Variants in CBFA2T3 observed in about 807,000 individuals in gnomAD.
CBFA2T3 encodes the protein CBFA2/RUNX1 partner transcriptional co-repressor 3.
A neutral mutation model predicts 58.6 loss-of-function variants in CBFA2T3; 31 were observed. That is an observed-to-expected ratio of 0.53 (90% CI 0.40 to 0.71). The LOEUF is 0.71. Ranked by LOEUF, CBFA2T3 falls within the 30% of genes least tolerant of loss-of-function variation. The probability of loss-of-function intolerance (pLI) is 0.00; values close to 1 mark genes in which losing one functional copy is unlikely to be tolerated. For missense variants in CBFA2T3, 1,076 were observed against 963.1 expected (o/e 1.12, Z -1.55); for synonymous variants, 531 against 421.9 (o/e 1.26, Z -3.17).
intron 1 of CBFA2T3, among the ~76,000 whole-genome samples, chr16:88,931,783 G>A (rs921037415): frequency 4.6e-5 from 7 of 152,136 alleles, no homozygotes; most frequent in Non-Finnish European, 4.4e-5. Context: ...TTGGTTGGAT[G>A]CAGGTGCTGT....
rs925801998 is a variant in CBFA2T3, at chr16:88,881,424, G to A, written c.1269C>T (p.Cys423=). ...TGAGCTCCTCGCGGTCGGCCTCCTG[G>A]CACCTGCGCAGCACCGTGAGCGAGC... is the stretch of plus-strand genomic sequence containing the variant. The part of the protein sequence containing the change: ...TRRSLTVLRR[C]QEADREELNH... Residue 423 remains cysteine (C), a synonymous_variant, in exon 9 of 12, where the codon TGC becomes TGT. Coordinates refer to ENST00000268679, the MANE Select transcript of CBFA2T3 (RefSeq NM_005187.6). 8 of 1,609,276 alleles carry A rather than the reference G, an allele frequency of 5.0e-6. No individual in the cohort carries two copies. The African/African-American group carries it at 1.1e-4, about 21-fold the overall frequency.
intron 1 of CBFA2T3, among the ~76,000 whole-genome samples, chr16:88,961,347 A>T (rs1265816763): frequency 2.0e-5 from 3 of 152,158 alleles, no homozygotes; most frequent in Non-Finnish European, 4.4e-5. Flanking sequence ...CCACATAGTG[A>T]CTGACCCTCA....
intron 1 of CBFA2T3, among the ~76,000 whole-genome samples, chr16:88,970,484 G>GTC: frequency 6.6e-6 from 1 of 152,198 alleles, no homozygotes; most frequent in South Asian, 2.1e-4. Flanking sequence ...CCCCAGCCCC[G>GTC]CTGTGTGAGC....
intron 5 of CBFA2T3, among the ~76,000 whole-genome samples, chr16:88,889,250 T>G (rs566090878): frequency 2.4e-4 from 35 of 147,888 alleles, no homozygotes; most frequent in Admixed American, 4.7e-4. Context: ...TCTGGGAGCA[T>G]GAGCACAGCA....
At chr16:88,941,118 G>A in intron 1 of CBFA2T3, 1 of 983,900 alleles carries the variant, frequency 1.0e-6, no homozygotes. Flanking sequence ...CCGCCTCCAC[G>A]ACTCAGGGGC....
At chr16:88,959,242 GA>G (rs2142859062) in intron 1 of CBFA2T3, among the ~76,000 whole-genome samples, 2 of 152,360 alleles carry the variant, frequency 1.3e-5, no homozygotes, top group South Asian at 4.1e-4. Flanking sequence ...ACGCTACATG[GA>G]CAGTCACATG....
chr16:88,898,919 C>T (rs1006019219), intron 2 of CBFA2T3, among the ~76,000 whole-genome samples: 22 of 152,212 alleles, frequency 1.4e-4, no homozygotes, highest in African/African-American at 5.1e-4. Context: ...GCGCAGGCCA[C>T]AGGAAGACAG....
At chr16:88,946,285 C>T (rs1971899520) in intron 1 of CBFA2T3, among the ~76,000 whole-genome samples, 1 of 151,680 alleles carries the variant, frequency 6.6e-6, no homozygotes, top group African/African-American at 2.4e-5. Context: ...TGCACTCCAC[C>T]CTGGGCAACA....
In CBFA2T3 at chr16:88,874,860, C is replaced by T. The variant is rs1337676899; in HGVS notation, c.*2116G>A. On this transcript the variant is annotated 3_prime_UTR_variant, in exon 12 of 12. Transcript: ENST00000268679. ...GTTTCCTACACTTCGCAAACTCCTG[C>T]GGTTTCTGTTTTTTATTTGGCAAAC... The T allele has an allele frequency of 3.1e-5, 7 of 228,424 alleles. No homozygotes were observed. The highest frequency in any genetic ancestry group is 1.8e-4 in the South Asian group (1 of 5,500). 14.1% of individuals were successfully genotyped at this position (228,424 alleles called of 1,614,324 possible).
At position 88,892,625 on chromosome 16, in the gene CBFA2T3, C is replaced by G. The variant is rs539497299; in HGVS notation, c.380-140G>C. 7 of 1,030,134 alleles carry G rather than the reference C, an allele frequency of 6.8e-6. No homozygotes were observed. In the Middle Eastern group the frequency reaches 7.1e-4, roughly 105 times the overall value. The allele number at this position is 1,030,134 out of a possible 1,614,324, so 63.8% of individuals were successfully genotyped here. On this transcript the variant is annotated intron_variant, in intron 3 of 11. Coordinates refer to ENST00000268679, the MANE Select transcript of CBFA2T3 (RefSeq NM_005187.6). Reference sequence around the variant, plus strand: ...CAATGATGAGACACAAGGACAGTAGCGCTGAGGATGACAGCAGGAGCCCTG... The same window carrying G: ...CAATGATGAGACACAAGGACAGTAGGGCTGAGGATGACAGCAGGAGCCCTG...
chr16:88,959,644 T>C (rs74033220), intron 1 of CBFA2T3, among the ~76,000 whole-genome samples: 2,437 of 152,228 alleles, frequency 0.016, 76 homozygotes, highest in African/African-American at 0.057. Context: ...GAAACCCTCC[T>C]TTTCCTCCTC....
chr16:88,967,094 G>T (rs572165792), intron 1 of CBFA2T3, among the ~76,000 whole-genome samples: 1 of 149,900 alleles, frequency 6.7e-6, no homozygotes. Flanking sequence ...CAGTGCGCTG[G>T]TGTGTGCCAC....
rs1251469723 is a variant in CBFA2T3 at position 88,952,902 on chromosome 16, ACGCAGGGCC to A, written c.151+23746_151+23754del. Among the ~76,000 whole-genome samples the A allele has an allele frequency of 1.4e-3, 47 of 34,732 alleles. 1 individual carries two copies. The highest frequency in any genetic ancestry group is 4.8e-4 in the Non-Finnish European group (9 of 18,818). The allele number at this position is 34,732 out of a possible 152,430, so 22.8% of individuals were successfully genotyped here. A position where few individuals can be genotyped will look rare whatever the true frequency, so the allele number is the denominator to read the frequency against. ...TGGGGACAGCATGTCCAGGACCCCC[ACGCAGGGCC>A]TGTGTCGAGACGGCATGTCCAGGAC... On this transcript the variant is annotated intron_variant, in intron 1 of 11. Coordinates refer to ENST00000268679, the MANE Select transcript of CBFA2T3 (RefSeq NM_005187.6).
chr16:88,901,866 C>G (rs1970112259), intron 1 of CBFA2T3, among the ~76,000 whole-genome samples: 1 of 152,188 alleles, frequency 6.6e-6, no homozygotes, highest in African/African-American at 2.4e-5. Context: ...GCCAGCTCAT[C>G]TGAGGTGGCC....
At chr16:88,971,904 C>T (rs893466799) in intron 1 of CBFA2T3, among the ~76,000 whole-genome samples, 8 of 152,228 alleles carry the variant, frequency 5.3e-5, no homozygotes, top group African/African-American at 1.4e-4. Context: ...CCCTGCCCAG[C>T]GCCCAGGCAG....
At chr16:88,954,490 C>A (rs1024491258) in intron 1 of CBFA2T3, among the ~76,000 whole-genome samples, 37 of 139,526 alleles carry the variant, frequency 2.7e-4, no homozygotes, top group East Asian at 1.9e-3. Flanking sequence ...AGGCTCCTGA[C>A]CCCGCCCAAG....
chr16:88,960,953 A>G (rs188714270), intron 1 of CBFA2T3, among the ~76,000 whole-genome samples: 1 of 152,334 alleles, frequency 6.6e-6, no homozygotes, highest in African/African-American at 2.4e-5. Flanking sequence ...CCCAGGCAAT[A>G]TTTGAGATAC....
rs1459254528 is a variant in CBFA2T3, at chr16:88,958,182, G to T, written c.151+18475C>A. ...TAGGAAGCCTGGTCAGGCTGTCGGG[G>T]CCTCAGACGGCAGAAACCTATCCCG... On this transcript the variant is annotated intron_variant, in intron 1 of 11. Transcript: ENST00000268679. The surrounding 1 kb of genome is among the most constrained non-coding windows in gnomAD (Gnocchi z 4.0). 6.6e-6 allele frequency among the ~76,000 whole-genome samples: 1 copy of T among 152,218 alleles called. No individual in the cohort carries two copies. Among genetic ancestry groups the T allele is most frequent in the Non-Finnish European group, 1.5e-5 (1 of 68,050 alleles).
intron 1 of CBFA2T3, among the ~76,000 whole-genome samples, chr16:88,914,780 G>C (rs1325501798): frequency 6.6e-6 from 1 of 152,202 alleles, no homozygotes; most frequent in Non-Finnish European, 1.5e-5. Context: ...TGAGCTCAGA[G>C]GCTGGAGTGA....
Sources: allele counts gnomAD v4.1 joint callset (sites outside exome capture counted in the v4.1 genomes callset), GRCh38; gene constraint gnomAD v4.1.1; non-coding constraint Gnocchi (gnomAD v3.1); transcripts MANE v1.5; gene names NCBI Gene and HGNC (gene_info 2026-07-23, HGNC 2026-07-21).